THSD7B: variants seen among roughly 807,000 people sequenced by gnomAD.
The protein encoded by THSD7B is thrombospondin type-1 domain-containing protein 7B.
In THSD7B, 138 loss-of-function variants were observed where a neutral mutation model predicts 213.6. The ratio of observed to expected loss-of-function variants is 0.65; its 90% CI spans 0.56 to 0.74. THSD7B has a LOEUF of 0.74. THSD7B is among the 30% of genes least tolerant of loss of function. The pLI is 0.00. For missense variants in THSD7B, 1,931 were observed against 1,991.5 expected (o/e 0.97, Z 0.58); for synonymous variants, 742 against 687.0 (o/e 1.08, Z -1.25).
At chr2:137,519,751 A>G (rs1354856243) in intron 15 of THSD7B, among the ~76,000 whole-genome samples, 2 of 152,258 alleles carry the variant, frequency 1.3e-5, no homozygotes, top group East Asian at 1.9e-4. Context: ...AGCATCTGTC[A>G]TCAGGTAGGG....
chr2:137,012,238 C>T (rs1056144786), intron 2 of THSD7B, among the ~76,000 whole-genome samples: 1 of 152,150 alleles, frequency 6.6e-6, no homozygotes, highest in Non-Finnish European at 1.5e-5. Flanking sequence ...GTTTTTAGAA[C>T]TAATTTTTCC....
chr2:137,430,743 A>ATTTT (rs1255277355), intron 14 of THSD7B, among the ~76,000 whole-genome samples: 1 of 152,224 alleles, frequency 6.6e-6, no homozygotes. Flanking sequence ...TTTGAATAAA[A>ATTTT]TCAAAGGTAG....
chr2:137,313,565 A>C (rs1050471166), intron 12 of THSD7B, among the ~76,000 whole-genome samples: 43 of 149,624 alleles, frequency 2.9e-4, no homozygotes, highest in Non-Finnish European at 5.5e-4. Context: ...TTAGCTGGTG[A>C]TTTTGCTCAT....
chr2:137,144,728 G>GA (rs1679660575), intron 5 of THSD7B, among the ~76,000 whole-genome samples: 1 of 151,780 alleles, frequency 6.6e-6, no homozygotes, highest in African/African-American at 2.4e-5. Flanking sequence ...TTGGGAAGGA[G>GA]AAAAAAATAT....
At chr2:137,487,521 G>A (rs1485200982) in intron 15 of THSD7B, among the ~76,000 whole-genome samples, 1 of 151,444 alleles carries the variant, frequency 6.6e-6, no homozygotes, top group Non-Finnish European at 1.5e-5. Flanking sequence ...AATGAATCCA[G>A]GAGCTGGTTT....
At chr2:137,471,933 A>G (rs1012503822) in intron 15 of THSD7B, among the ~76,000 whole-genome samples, 3 of 152,220 alleles carry the variant, frequency 2.0e-5, no homozygotes, top group Admixed American at 6.5e-5. Flanking sequence ...TGAAAATATT[A>G]TTCTTGGAAT....
chr2:136,958,326 C>A (rs566984553), intron 2 of THSD7B, among the ~76,000 whole-genome samples: 2 of 152,300 alleles, frequency 1.3e-5, no homozygotes, highest in East Asian at 3.9e-4. Context: ...ATCAGCAACA[C>A]TGGGAAAATA....
intron 12 of THSD7B, among the ~76,000 whole-genome samples, chr2:137,336,936 C>T (rs1684651430): frequency 6.6e-6 from 1 of 151,980 alleles, no homozygotes; most frequent in Non-Finnish European, 1.5e-5. Context: ...TTTATATTTA[C>T]TTTCTATTTA....
intron 15 of THSD7B, among the ~76,000 whole-genome samples, chr2:137,485,421 G>A (rs1225123706): frequency 6.6e-6 from 1 of 152,120 alleles, no homozygotes; most frequent in East Asian, 1.9e-4. Flanking sequence ...TTTGGTTACT[G>A]TAGCTTTGTA....
At chr2:136,873,492 C>T (rs1683476135) in intron 1 of THSD7B, among the ~76,000 whole-genome samples, 1 of 152,086 alleles carries the variant, frequency 6.6e-6, no homozygotes, top group Non-Finnish European at 1.5e-5. Context: ...GATGATAATA[C>T]CTGTTTTTTC....
intron 15 of THSD7B, among the ~76,000 whole-genome samples, chr2:137,526,363 T>C (rs1373962570): frequency 6.6e-6 from 1 of 152,154 alleles, no homozygotes; most frequent in Non-Finnish European, 1.5e-5. Flanking sequence ...TTTCAGTTTA[T>C]GGAGAATTAA....
intron 4 of THSD7B, among the ~76,000 whole-genome samples, chr2:137,112,767 A>G (rs114923622): frequency 0.043 from 4,834 of 111,982 alleles, 124 homozygotes; most frequent in Admixed American, 0.082. Flanking sequence ...TAAAATGTTA[A>G]TGTACGTGTG....
chr2:137,255,542 G>C (rs143324665), intron 10 of THSD7B, among the ~76,000 whole-genome samples: 2 of 152,070 alleles, frequency 1.3e-5, no homozygotes, highest in Non-Finnish European at 2.9e-5. Flanking sequence ...GTCTGGTGCC[G>C]TGCGACTTGG....
chr2:137,590,748 T>C (rs558321328), intron 17 of THSD7B, among the ~76,000 whole-genome samples: 1 of 151,422 alleles, frequency 6.6e-6, no homozygotes, highest in East Asian at 1.9e-4. Context: ...GGGCATCTAA[T>C]TGCTGTAAAA....
At chr2:137,395,029 C>G (rs1223561762) in intron 12 of THSD7B, among the ~76,000 whole-genome samples, 3 of 142,644 alleles carry the variant, frequency 2.1e-5, no homozygotes, top group Admixed American at 2.1e-4. Context: ...TGAGACTTTG[C>G]TGAAGTTGCT....
intron 2 of THSD7B, among the ~76,000 whole-genome samples, chr2:137,022,500 G>A (rs1331161669): frequency 1.3e-5 from 2 of 151,752 alleles, no homozygotes; most frequent in Non-Finnish European, 2.9e-5. Flanking sequence ...TGCCATAAGT[G>A]TAAAATATAC....
intron 1 of THSD7B, among the ~76,000 whole-genome samples, chr2:136,848,546 A>G (rs1006907103): frequency 6.6e-6 from 1 of 152,206 alleles, no homozygotes; most frequent in African/African-American, 2.4e-5. Flanking sequence ...TAATTTTTCA[A>G]GAAATAGCTC....
rs987031864 is a variant in THSD7B at position 137,677,587 on chromosome 2, A to C, written c.*982A>C. 1.3e-5 allele frequency: 2 copies of C among 152,606 alleles called. No individual in the cohort carries two copies. The highest frequency in any genetic ancestry group is 4.8e-5 in the African/African-American group (2 of 41,468). The allele number at this position is 152,606 out of a possible 1,614,324, so 9.5% of individuals were successfully genotyped here. On this transcript the variant is annotated 3_prime_UTR_variant, in exon 28 of 28. Coordinates refer to ENST00000409968, the MANE Select transcript of THSD7B (RefSeq NM_001316349.2). ...TTTTATAAGGTTTCAATAATATCTA[A>C]AACAACACATTAAAAAGCTGAGACC... is the stretch of plus-strand genomic sequence containing the variant.
intron 5 of THSD7B, among the ~76,000 whole-genome samples, chr2:137,119,244 G>A (rs1688500320): frequency 6.6e-6 from 1 of 152,138 alleles, no homozygotes; most frequent in Non-Finnish European, 1.5e-5. Context: ...GATTTGATGA[G>A]TAAAATTACA....
Sources: gnomAD v4.1 joint callset for allele counts (sites outside exome capture counted in the v4.1 genomes callset) on GRCh38, gnomAD v4.1.1 for gene constraint, MANE v1.5 for transcripts, NCBI Gene and HGNC (gene_info 2026-07-23, HGNC 2026-07-21) for gene names.